The following PPM1H variants were observed in gnomAD, a reference collection of about 807,000 sequenced individuals.
The protein encoded by PPM1H is protein phosphatase, Mg2+/Mn2+ dependent 1H.
In PPM1H, 27 loss-of-function variants were observed where a neutral mutation model predicts 54.9. The ratio of observed to expected loss-of-function variants is 0.49; its 90% confidence interval spans 0.36 to 0.68. The LOEUF is 0.68. Ranked by LOEUF, PPM1H falls within the 30% of genes least tolerant of loss-of-function variation. The pLI is 0.00. For synonymous variants in PPM1H, 305 were observed against 270.8 expected (o/e 1.13, Z -1.24); for missense variants, 596 against 667.8 (o/e 0.89, Z 1.19).
intron 5 of PPM1H, among the ~76,000 whole-genome samples, chr12:62,721,654 A>G (rs2076264478): frequency 6.6e-6 from 1 of 152,200 alleles, no homozygotes; most frequent in Non-Finnish European, 1.5e-5. Flanking sequence ...GGTCAGGTCA[A>G]CAGTGGTGCT....
intron 4 of PPM1H, among the ~76,000 whole-genome samples, chr12:62,745,120 T>C (rs1376559031): frequency 6.6e-6 from 1 of 152,204 alleles, no homozygotes; most frequent in Non-Finnish European, 1.5e-5. Flanking sequence ...ACCTAGCAGC[T>C]TGATAACATA....
intron 5 of PPM1H, among the ~76,000 whole-genome samples, chr12:62,736,675 C>G (rs1002144719): frequency 6.6e-5 from 10 of 152,170 alleles, no homozygotes; most frequent in African/African-American, 1.9e-4. Context: ...TTTTGAGTAG[C>G]CTGGATCAAT....
intron 5 of PPM1H, among the ~76,000 whole-genome samples, chr12:62,734,499 C>T (rs2076340139): frequency 6.6e-6 from 1 of 151,692 alleles, no homozygotes; most frequent in Non-Finnish European, 1.5e-5. Context: ...GTGGAAATTA[C>T]ATACACTTAC....
intron 1 of PPM1H, among the ~76,000 whole-genome samples, chr12:62,846,192 T>G (rs147245486): frequency 1.3e-5 from 2 of 152,234 alleles, no homozygotes; most frequent in East Asian, 3.9e-4. Flanking sequence ...GCTCTGAAGA[T>G]TTCAGGATAA....
intron 9 of PPM1H, chr12:62,659,238 CA>C: frequency 2.6e-6 from 1 of 379,210 alleles, no homozygotes; most frequent in Non-Finnish European, 5.0e-6. Flanking sequence ...AGCTCATGTG[CA>C]CATTGTGTTC....
chr12:62,806,893 C>T (rs2120765062), intron 2 of PPM1H, among the ~76,000 whole-genome samples: 1 of 152,252 alleles, frequency 6.6e-6, no homozygotes, highest in African/African-American at 2.4e-5. Context: ...CAAGTCTGAT[C>T]AAAGAGAGGA....
At chr12:62,770,633 A>G (rs954875769) in intron 4 of PPM1H, among the ~76,000 whole-genome samples, 2 of 152,126 alleles carry the variant, frequency 1.3e-5, no homozygotes, top group Admixed American at 6.5e-5. Flanking sequence ...GCTGGTGGCA[A>G]TGATGACCTG....
intron 3 of PPM1H, 136 bp downstream of exon 3, chr12:62,801,680 C>T (rs772569762): frequency 1.1e-6 from 1 of 913,600 alleles, no homozygotes; most frequent in South Asian, 1.8e-5. Context: ...ATGGAAGCCC[C>T]ATTATCACAG....
intron 2 of PPM1H, among the ~76,000 whole-genome samples, chr12:62,826,086 T>A (rs1186335884): frequency 6.6e-6 from 1 of 152,212 alleles, no homozygotes; most frequent in Non-Finnish European, 1.5e-5. Context: ...TAATTCTTTA[T>A]GAATTGGTAT....
intron 5 of PPM1H, among the ~76,000 whole-genome samples, chr12:62,734,867 AC>A (rs1002909364): frequency 2.6e-5 from 4 of 151,464 alleles, no homozygotes; most frequent in African/African-American, 2.4e-5. Context: ...AGACAGTGAG[AC>A]CCCCCCATCT....
intron 2 of PPM1H, among the ~76,000 whole-genome samples, chr12:62,803,612 GA>G (rs1211751448): frequency 3.3e-5 from 5 of 152,020 alleles, no homozygotes; most frequent in Admixed American, 6.6e-5. Flanking sequence ...AAACATGGGG[GA>G]AAAAAACTCC....
At chr12:62,748,812 T>C (rs7297618) in intron 4 of PPM1H, among the ~76,000 whole-genome samples, 57,704 of 151,976 alleles carry the variant, frequency 0.38, 11,372 homozygotes, top group Non-Finnish European at 0.42. Flanking sequence ...AGCCTGGGAA[T>C]CTGTGATTAT....
Position 62,737,661 on chromosome 12 carries a change from C to A in PPM1H, c.870-75G>T. ...ATTCTGTTACAACCATTGCTTGGTTCAGGTCACACATGAAATGCCAAGAGA... is the reference window on the plus strand; with the variant it reads ...ATTCTGTTACAACCATTGCTTGGTTAAGGTCACACATGAAATGCCAAGAGA... On this transcript the variant is annotated intron_variant, in intron 4 of 9. Coordinates refer to ENST00000228705, the MANE Select transcript of PPM1H (RefSeq NM_020700.2). 2.9e-6 allele frequency: 3 copies of A among 1,035,576 alleles called. No individual in the cohort carries two copies. In the South Asian group the frequency reaches 4.9e-5, roughly 17 times the overall value. 64.1% of individuals were successfully genotyped at this position (1,035,576 alleles called of 1,614,324 possible).
intron 5 of PPM1H, among the ~76,000 whole-genome samples, chr12:62,736,872 C>T (rs2076352488): frequency 2.0e-5 from 3 of 152,218 alleles, no homozygotes; most frequent in Admixed American, 6.5e-5. Flanking sequence ...AATACCCTTG[C>T]CCCTGGAATT....
At chr12:62,702,582 A>AGAGAGAGAGAG (rs1592552268) in intron 6 of PPM1H, among the ~76,000 whole-genome samples, 6 of 87,586 alleles carry the variant, frequency 6.9e-5, no homozygotes, top group African/African-American at 2.7e-4. Flanking sequence ...GAGAGAGAGA[A>AGAGAGAGAGAG]ATACCACTTG....
intron 4 of PPM1H, among the ~76,000 whole-genome samples, chr12:62,751,621 T>C (rs1401898016): frequency 3.9e-5 from 6 of 152,234 alleles, no homozygotes; most frequent in Non-Finnish European, 8.8e-5. Context: ...TTTAAAAAGA[T>C]GTAAAGGAGC....
intron 1 of PPM1H, among the ~76,000 whole-genome samples, chr12:62,911,623 T>C (rs969777249): frequency 3.3e-5 from 5 of 152,208 alleles, no homozygotes; most frequent in African/African-American, 1.2e-4. Context: ...AGTTTCTACT[T>C]TCAGAGAATG....
intron 2 of PPM1H, among the ~76,000 whole-genome samples, chr12:62,829,381 A>G (rs571824343): frequency 6.6e-6 from 1 of 152,226 alleles, no homozygotes; most frequent in Non-Finnish European, 1.5e-5. Context: ...TTTAATGAAT[A>G]CATAGTTTCA....
chr12:62,653,785 G>A (rs2075828341), intron 9 of PPM1H, among the ~76,000 whole-genome samples: 1 of 152,178 alleles, frequency 6.6e-6, no homozygotes, highest in South Asian at 2.1e-4. Flanking sequence ...CCATACCACA[G>A]GAGTAGTATT....
Sources: allele counts gnomAD v4.1 joint callset (sites outside exome capture counted in the v4.1 genomes callset), GRCh38; gene constraint gnomAD v4.1.1; transcripts MANE v1.5; gene names NCBI Gene and HGNC (gene_info 2026-07-23, HGNC 2026-07-21).